Variants in ATP10D observed in about 807,000 individuals in gnomAD.
ATP10D encodes ATPase phospholipid transporting 10D (putative), also known as phospholipid-transporting ATPase VD.
A neutral mutation model predicts 144.8 loss-of-function variants in ATP10D; 89 were observed. The observed-to-expected ratio is 0.61, with a 90% CI of 0.52 to 0.73. The LOEUF is 0.73. ATP10D is among the 30% of genes least tolerant of loss of function. The pLI is 0.00. For synonymous variants in ATP10D, 571 were observed against 615.1 expected, an observed-to-expected ratio of 0.93 and a Z score of 1.06; for missense variants, 1,603 against 1,714.8, an observed-to-expected ratio of 0.93 and a Z score of 1.15.
In ATP10D at chr4:47,515,657, A is replaced by G. The variant is rs775214799; in HGVS notation, c.472A>G (p.Lys158Glu). 9 of 1,599,418 alleles carry G rather than the reference A, an allele frequency of 5.6e-6. No individual in the cohort carries two copies. Among genetic ancestry groups the G allele is most frequent in the Non-Finnish European group, 6.0e-6 (7 of 1,167,028 alleles). ...CAAACAGATCAATAATTTAATAACT[A>G]AAGTTTATAGTAGGTAAGTGTAATG... ...IDKQINNLIT[K>E]VYSRKEKKYI... The change falls in exon 3 of 23, where the codon AAA becomes GAA. Residue 158 changes from lysine (K) to glutamate (E), a missense_variant. Physicochemically the swap from Lys to Glu is moderately conservative, Grantham distance 56 (BLOSUM62 1). Coordinates refer to ENST00000273859, the MANE Select transcript of ATP10D (RefSeq NM_020453.4).
At chr4:47,495,354 G>T (rs1715296836) in intron 1 of ATP10D, among the ~76,000 whole-genome samples, 1 of 152,024 alleles carries the variant, frequency 6.6e-6, no homozygotes, top group South Asian at 2.1e-4. Flanking sequence ...TTAAAGGAAT[G>T]CACCTCTTTT....
chr4:47,529,857 C>T (rs1344272898), intron 5 of ATP10D, among the ~76,000 whole-genome samples: 1 of 151,950 alleles, frequency 6.6e-6, no homozygotes. Flanking sequence ...GATCTTTCAC[C>T]TCCTTGGTTA....
chr4:47,498,636 G>A (rs1276119342), intron 1 of ATP10D, among the ~76,000 whole-genome samples: 1 of 152,148 alleles, frequency 6.6e-6, no homozygotes, highest in African/African-American at 2.4e-5. Flanking sequence ...CATCCCATTT[G>A]AAGAGCATTT....
chr4:47,495,854 C>A (rs1466305482), intron 1 of ATP10D, among the ~76,000 whole-genome samples: 1 of 151,998 alleles, frequency 6.6e-6, no homozygotes, highest in African/African-American at 2.4e-5. Context: ...TCTTCTGCCT[C>A]AGCCTCCCCA....
Position 47,525,611 on chromosome 4 carries a change from A to G in ATP10D, c.745A>G (p.Asn249Asp), listed in dbSNP as rs144361524. Reference protein sequence around the residue: ...FSSRIECESPNNDLSRFRGFL... With the variant: ...FSSRIECESPDNDLSRFRGFL... ...CAGTAGGATAGAATGTGAAAGCCCA[A>G]ACAATGACCTCAGCAGATTCCGAGG... The change falls in exon 5 of 23, where the codon AAC (asparagine) becomes GAC (aspartate). Residue 249 changes from asparagine to aspartate, a missense_variant. Transcript: ENST00000273859. The G allele has an allele frequency of 4.6e-4, 744 of 1,613,438 alleles. 2 individuals carry two copies. The highest frequency in any genetic ancestry group is 6.1e-4 in the Non-Finnish European group (714 of 1,179,530).
intron 5 of ATP10D, among the ~76,000 whole-genome samples, chr4:47,526,712 T>C (rs1157843561): frequency 6.6e-6 from 1 of 152,218 alleles, no homozygotes; most frequent in African/African-American, 2.4e-5. Flanking sequence ...GATTGTATTT[T>C]AATATGCTAA....
In ATP10D at chr4:47,535,317, TA is replaced by T. The variant is rs5858077; in HGVS notation, c.777-179del. On this transcript the variant is annotated intron_variant, in intron 5 of 22. Coordinates refer to ENST00000273859, the MANE Select transcript of ATP10D (RefSeq NM_020453.4). ...CGTGTACCACCTGAACCTAAAAGTC[TA>T]AAAAAAAAAAAAGAAACAAAAAACA... Among the ~76,000 whole-genome samples the T allele has an allele frequency of 1.9e-3, 263 of 141,296 alleles. 2 individuals carry two copies. The highest frequency in any genetic ancestry group is 5.0e-3 in the African/African-American group (187 of 37,752). 92.7% of individuals were successfully genotyped at this position (141,296 alleles called of 152,430 possible).
rs746625584 is a variant in ATP10D, at chr4:47,561,067, C to T, written c.2660C>T (p.Thr887Ile). The change falls in exon 14 of 23, where the codon ACA becomes ATA. Residue 887 changes from threonine to isoleucine, a missense_variant. Transcript: ENST00000273859. ...GCCATGAGGTTGGAGAACAAACTTA[C>T]ATTACTTGGTAGGTGAATTATGTTT... is the stretch of plus-strand genomic sequence containing the variant. Reference protein sequence around the residue: ...ESAMRLENKLTLLGATGIEDR... With the variant: ...ESAMRLENKLILLGATGIEDR... 1 of 1,614,146 alleles carries T rather than the reference C, an allele frequency of 6.2e-7. No homozygotes were observed. Among genetic ancestry groups the T allele is most frequent in the South Asian group, 1.1e-5 (1 of 91,082 alleles).
At chr4:47,514,015 T>C (rs1278681788) in intron 2 of ATP10D, among the ~76,000 whole-genome samples, 1 of 152,138 alleles carries the variant, frequency 6.6e-6, no homozygotes. Flanking sequence ...AAAGATGATG[T>C]GAACATGTTG....
chr4:47,515,697 G>A, intron 3 of ATP10D, 27 bp downstream of exon 3: 1 of 1,509,494 alleles, frequency 6.6e-7, no homozygotes, highest in East Asian at 2.3e-5. Context: ...CTTTGCTAAG[G>A]ACTATGTATG....
chr4:47,530,013 A>G (rs1717478443), intron 5 of ATP10D, among the ~76,000 whole-genome samples: 1 of 152,196 alleles, frequency 6.6e-6, no homozygotes, highest in Admixed American at 6.6e-5. Context: ...AAACTTTACC[A>G]AAGTTGCTTA....
intron 17 of ATP10D, 51 bp from the exon 18 acceptor site, chr4:47,572,821 C>T (rs1309075587): frequency 1.2e-6 from 2 of 1,612,518 alleles, no homozygotes; most frequent in South Asian, 1.1e-5. Flanking sequence ...TGTGTCTGTT[C>T]TAACATGTTT....
intron 18 of ATP10D, among the ~76,000 whole-genome samples, chr4:47,575,490 G>A (rs1314927498): frequency 1.3e-5 from 2 of 152,168 alleles, no homozygotes; most frequent in Non-Finnish European, 2.9e-5. Flanking sequence ...TCCCAAGCAA[G>A]CTGGGATGGC....
chr4:47,544,011 A>G (rs1718291269), intron 9 of ATP10D, among the ~76,000 whole-genome samples: 2 of 151,238 alleles, frequency 1.3e-5, no homozygotes, highest in African/African-American at 4.8e-5. Context: ...ACATGGACTC[A>G]TTGAAATTAA....
chr4:47,535,278 A>G (rs993784987), intron 5 of ATP10D, among the ~76,000 whole-genome samples: 1 of 151,668 alleles, frequency 6.6e-6, no homozygotes, highest in Non-Finnish European at 1.5e-5. Context: ...ATTTACCTAC[A>G]TAGTAAACCT....
rs1718901149 is a variant in ATP10D at position 47,554,883 on chromosome 4, T to C, written c.1793T>C (p.Val598Ala). 6.2e-7 allele frequency: 1 copy of C among 1,614,150 alleles called. No homozygotes were observed. Among genetic ancestry groups the C allele is most frequent in the Non-Finnish European group, 8.5e-7 (1 of 1,180,012 alleles). Residue 598 changes from valine to alanine, a missense_variant, in exon 11 of 23, where the codon GTG becomes GCG. By Grantham distance (64) the Val-to-Ala change is moderately conservative. Coordinates refer to ENST00000273859, the MANE Select transcript of ATP10D (RefSeq NM_020453.4). ...FIALAICNTVVVSAPNQPRQK... is the reference protein window; with the variant it reads ...FIALAICNTVAVSAPNQPRQK... ...GCATTGGCAATTTGCAACACAGTAGTGGTTTCTGCTCCTAACCAACCCCGA... is the reference window on the plus strand; with the variant it reads ...GCATTGGCAATTTGCAACACAGTAGCGGTTTCTGCTCCTAACCAACCCCGA...
intron 9 of ATP10D, among the ~76,000 whole-genome samples, chr4:47,544,234 C>T (rs1474875861): frequency 6.6e-6 from 1 of 152,152 alleles, no homozygotes; most frequent in Non-Finnish European, 1.5e-5. Flanking sequence ...TTAAATGAGG[C>T]AAGTGCCTGG....
intron 9 of ATP10D, among the ~76,000 whole-genome samples, chr4:47,538,202 G>C (rs1261851404): frequency 6.6e-6 from 1 of 152,062 alleles, no homozygotes; most frequent in Non-Finnish European, 1.5e-5. Context: ...ATGTTTTTCA[G>C]TCATCTGAAT....
intron 21 of ATP10D, among the ~76,000 whole-genome samples, chr4:47,584,664 G>C (rs1306870020): frequency 6.6e-6 from 1 of 152,136 alleles, no homozygotes; most frequent in Non-Finnish European, 1.5e-5. Context: ...CCAAAGTGCT[G>C]GGATTACAGG....
Sources: gnomAD v4.1 joint callset for allele counts (sites outside exome capture counted in the v4.1 genomes callset) on GRCh38, gnomAD v4.1.1 for gene constraint, MANE v1.5 for transcripts, NCBI Gene and HGNC (gene_info 2026-07-23, HGNC 2026-07-21) for gene names.